The following NEBL variants were observed in gnomAD, a reference collection of about 807,000 sequenced individuals.
NEBL encodes the protein nebulette.
A neutral mutation model predicts 140.2 loss-of-function variants in NEBL; 122 were observed. The ratio of observed to expected loss-of-function variants is 0.87; its 90% CI spans 0.75 to 1.01. The LOEUF is 1.01. NEBL is among the 50% of genes least tolerant of loss of function. The pLI is 0.00. For missense variants in NEBL, 1,365 were observed against 1,231.3 expected (o/e 1.11, Z -1.62); for synonymous variants, 436 against 398.9 (o/e 1.09, Z -1.11).
intron 3 of NEBL, among the ~76,000 whole-genome samples, chr10:21,004,939 AAGGTCTTT>A (rs1838069548): frequency 6.6e-6 from 1 of 152,128 alleles, no homozygotes; most frequent in Admixed American, 6.5e-5. Context: ...TTAACCTCTC[AAGGTCTTT>A]AGGCATTTCT....
At chr10:21,063,424 G>A (rs1307012559) in intron 2 of NEBL, among the ~76,000 whole-genome samples, 1 of 152,110 alleles carries the variant, frequency 6.6e-6, no homozygotes, top group African/African-American at 2.4e-5. Context: ...ACTCACATTC[G>A]AACAGTTAGT....
At chr10:21,029,719 T>C (rs1391992964) in intron 2 of NEBL, 4 of 884,862 alleles carry the variant, frequency 4.5e-6, no homozygotes, top group Admixed American at 3.6e-5. Flanking sequence ...TTGGTATGAG[T>C]ATCGGGATGG....
intron 2 of NEBL, among the ~76,000 whole-genome samples, chr10:21,123,521 T>C (rs1838675458): frequency 6.6e-6 from 1 of 152,154 alleles, no homozygotes. Flanking sequence ...CAAGTCGTCC[T>C]GACCTTCCAT....
intron 2 of NEBL, among the ~76,000 whole-genome samples, chr10:21,037,271 G>A (rs1462549281): frequency 1.3e-5 from 2 of 151,914 alleles, no homozygotes; most frequent in East Asian, 3.9e-4. Context: ...TGGGGGTGGA[G>A]GGGGTGGGGA....
chr10:20,811,508 T>C lies in NEBL; in HGVS notation c.2518+1261A>G, dbSNP rs190312365. Among the ~76,000 whole-genome samples, 28 of 152,346 alleles carry C rather than the reference T, an allele frequency of 1.8e-4. No individual in the cohort carries two copies. In the East Asian group the frequency reaches 4.0e-3, roughly 22 times the overall value. Reference sequence around the variant, plus strand: ...ATCACAACTCATCCATCCAACTTAATGTGATCCTTTTAAGTAATCAACTCA... The same window carrying C: ...ATCACAACTCATCCATCCAACTTAACGTGATCCTTTTAAGTAATCAACTCA... On this transcript the variant is annotated intron_variant, in intron 24 of 27. Coordinates refer to ENST00000377122, the MANE Select transcript of NEBL (RefSeq NM_006393.3).
chr10:21,083,266 C>T (rs1254101345), intron 2 of NEBL, among the ~76,000 whole-genome samples: 1 of 152,118 alleles, frequency 6.6e-6, no homozygotes, highest in Admixed American at 6.5e-5. Flanking sequence ...AAGCAATAGT[C>T]GATTTAAATT....
intron 2 of NEBL, among the ~76,000 whole-genome samples, chr10:21,072,504 G>T (rs1564501131): frequency 6.6e-6 from 1 of 152,240 alleles, no homozygotes. Flanking sequence ...TGGAACAAGT[G>T]GTAGGGCAAC....
intron 2 of NEBL, among the ~76,000 whole-genome samples, chr10:21,041,688 A>T (rs868734829): frequency 7.2e-5 from 11 of 152,126 alleles, no homozygotes; most frequent in Middle Eastern, 3.4e-3. Flanking sequence ...AAATAAAAAT[A>T]AAAAAATAGC....
intron 2 of NEBL, among the ~76,000 whole-genome samples, chr10:20,895,802 G>A (rs1438474650): frequency 6.6e-6 from 1 of 152,184 alleles, no homozygotes; most frequent in South Asian, 2.1e-4. Context: ...AATTGTGATT[G>A]GATGGATGTA....
At chr10:20,908,692 G>A (rs879273497) in intron 4 of NEBL, among the ~76,000 whole-genome samples, 26 of 152,158 alleles carry the variant, frequency 1.7e-4, no homozygotes, top group East Asian at 7.7e-4. Flanking sequence ...TCATGGAGTC[G>A]GGAAGAGATG....
At chr10:20,841,777 C>G (rs1490994023) in intron 12 of NEBL, among the ~76,000 whole-genome samples, 1 of 152,110 alleles carries the variant, frequency 6.6e-6, no homozygotes, top group Non-Finnish European at 1.5e-5. Context: ...CATGATGTCT[C>G]TCTTTCTTCA....
At chr10:20,797,128 G>C (rs907889551) in intron 26 of NEBL, among the ~76,000 whole-genome samples, 22 of 152,150 alleles carry the variant, frequency 1.4e-4, no homozygotes, top group African/African-American at 5.3e-4. Flanking sequence ...ATTATGCCAT[G>C]ACTGAAGAGT....
At chr10:20,955,904 C>G (rs1166393802) in intron 4 of NEBL, among the ~76,000 whole-genome samples, 4 of 143,306 alleles carry the variant, frequency 2.8e-5, no homozygotes, top group Non-Finnish European at 6.1e-5. Flanking sequence ...TCCCTCATCT[C>G]TTGTTTCAAA....
intron 26 of NEBL, among the ~76,000 whole-genome samples, chr10:20,794,097 A>G (rs760034413): frequency 2.0e-5 from 3 of 152,104 alleles, no homozygotes; most frequent in Non-Finnish European, 2.9e-5. Flanking sequence ...GAGAAAGCTC[A>G]TTGTAGAATA....
intron 4 of NEBL, among the ~76,000 whole-genome samples, chr10:20,950,900 TG>T (rs1336188560): frequency 6.6e-6 from 1 of 152,248 alleles, no homozygotes; most frequent in African/African-American, 2.4e-5. Flanking sequence ...TTTCCTGGTT[TG>T]CTAAACACAG....
intron 4 of NEBL, among the ~76,000 whole-genome samples, chr10:20,940,891 A>G (rs890109603): frequency 2.0e-5 from 3 of 152,270 alleles, no homozygotes; most frequent in Non-Finnish European, 4.4e-5. Flanking sequence ...ACCAGGAAGA[A>G]GTTGAATCTC....
intron 4 of NEBL, among the ~76,000 whole-genome samples, chr10:20,881,474 C>A (rs1054753500): frequency 6.6e-6 from 1 of 152,126 alleles, no homozygotes; most frequent in Non-Finnish European, 1.5e-5. Flanking sequence ...TTCCTCCATA[C>A]TAGGATGGAG....
chr10:21,138,190 C>T (rs1016614699), intron 2 of NEBL, among the ~76,000 whole-genome samples: 3 of 152,114 alleles, frequency 2.0e-5, no homozygotes, highest in African/African-American at 4.8e-5. Flanking sequence ...ATTGGGACAA[C>T]GGACAGCACT....
At chr10:20,889,673 AATCT>A (rs1458753416) in intron 3 of NEBL, among the ~76,000 whole-genome samples, 168 bp downstream of exon 3, 1 of 152,226 alleles carries the variant, frequency 6.6e-6, no homozygotes. Context: ...AAAATCTGTC[AATCT>A]ATATGAGTTA....
Sources: allele counts gnomAD v4.1 joint callset (sites outside exome capture counted in the v4.1 genomes callset), GRCh38; gene constraint gnomAD v4.1.1; transcripts MANE v1.5; gene names NCBI Gene and HGNC (gene_info 2026-07-23, HGNC 2026-07-21).